GALNT2: variants seen among roughly 807,000 people sequenced by gnomAD.
GALNT2 encodes the protein polypeptide N-acetylgalactosaminyltransferase 2.
Under a neutral mutation model 81.4 loss-of-function variants are expected in GALNT2, and 31 were observed. That is an observed-to-expected ratio of 0.38 (90% CI 0.29 to 0.51). The LOEUF (loss-of-function observed/expected upper bound fraction) is 0.51. Ranked by LOEUF, GALNT2 falls within the 20% of genes least tolerant of loss-of-function variation. GALNT2 has a pLI of 0.87. For synonymous variants in GALNT2, 303 were observed against 287.4 expected (o/e 1.05, Z -0.55); for missense variants, 629 against 765.7 (o/e 0.82, Z 2.11).
chr1:230,165,591 C>G (rs1662577312), intron 1 of GALNT2, among the ~76,000 whole-genome samples: 1 of 152,218 alleles, frequency 6.6e-6, no homozygotes. Context: ...TACACTGTGT[C>G]CTTTTGCTTT....
At chr1:230,252,430 TC>T (rs1380307018) in intron 10 of GALNT2, among the ~76,000 whole-genome samples, 2 of 152,134 alleles carry the variant, frequency 1.3e-5, no homozygotes, top group African/African-American at 4.8e-5. Context: ...GGGGTAAGGC[TC>T]CTTGGGGGCA....
At chr1:230,188,855 A>G (rs2102694680) in intron 2 of GALNT2, among the ~76,000 whole-genome samples, 1 of 152,278 alleles carries the variant, frequency 6.6e-6, no homozygotes, top group East Asian at 1.9e-4. Context: ...TCTGATAGAG[A>G]AGAATGTCAT....
At chr1:230,254,810 G>A (rs759473476) in intron 10 of GALNT2, among the ~76,000 whole-genome samples, 9 of 152,204 alleles carry the variant, frequency 5.9e-5, no homozygotes, top group Non-Finnish European at 1.3e-4. Context: ...AAATGATCGT[G>A]AGCCAGCTAG....
intron 6 of GALNT2, among the ~76,000 whole-genome samples, chr1:230,237,944 T>G (rs1665083021): frequency 6.6e-6 from 1 of 152,216 alleles, no homozygotes; most frequent in South Asian, 2.1e-4. Context: ...GTCTTTAAAC[T>G]GCTTAGAAAT....
intron 1 of GALNT2, chr1:230,091,663 G>A (rs563736288): frequency 3.3e-5 from 5 of 152,346 alleles, no homozygotes; most frequent in Non-Finnish European, 5.9e-5. Flanking sequence ...AGTGGCTTCC[G>A]GGCCACCTCC....
chr1:230,252,197 GC>G (rs1485914127), intron 10 of GALNT2, among the ~76,000 whole-genome samples: 7 of 152,248 alleles, frequency 4.6e-5, no homozygotes, highest in African/African-American at 1.7e-4. Flanking sequence ...GCTTCTGGGG[GC>G]CGTGCACACT....
intron 1 of GALNT2, among the ~76,000 whole-genome samples, chr1:230,110,045 G>A (rs1042232134): frequency 5.9e-5 from 9 of 152,164 alleles, no homozygotes; most frequent in African/African-American, 1.7e-4. Flanking sequence ...GAGCCACGGC[G>A]TCCTGGCAGA....
Position 230,202,956 on chromosome 1 carries a change from C to T in GALNT2, c.221-181C>T, listed in dbSNP as rs114363380. On this transcript the variant is annotated intron_variant, in intron 2 of 15. Coordinates refer to ENST00000366672, the MANE Select transcript of GALNT2 (RefSeq NM_004481.5). ...AATGGCAAACCTGCAGTTTCCTATT[C>T]TCTGGGTTGTAGACAGGATGATGCT... Among the ~76,000 whole-genome samples, 593 of 152,320 alleles carry T rather than the reference C, an allele frequency of 3.9e-3. 2 individuals are homozygous for T. Among genetic ancestry groups the T allele is most frequent in the African/African-American group, 0.013 (524 of 41,570 alleles).
intron 1 of GALNT2, among the ~76,000 whole-genome samples, chr1:230,083,322 C>T (rs754297243): frequency 1.4e-5 from 2 of 139,686 alleles, no homozygotes; most frequent in Admixed American, 7.2e-5. Flanking sequence ...GAGTGGGGAG[C>T]GAGGATGATG....
rs1663959543 is a variant in GALNT2 at position 230,203,211 on chromosome 1, T to TA, written c.296dup (p.Tyr99Ter). The change falls in exon 3 of 16, where the codon TAC (tyrosine) becomes TAAC (stop). Residue 99 changes from tyrosine to a stop codon, truncating the protein, a stop_gained and frameshift_variant. Coordinates refer to ENST00000366672, the MANE Select transcript of GALNT2 (RefSeq NM_004481.5). LOFTEE classifies it high-confidence loss of function. ...GATGGTCCGCTCCGGGCAGGACCCT[T>TA]ACGCCCGCAACAAGTTCAACCAGGT... ...GTMVRSGQDP[Y>*]ARNKFNQVES... is the part of the protein sequence containing the mutation. The TA allele has an allele frequency of 6.2e-7, 1 of 1,614,186 alleles. No individual in the cohort carries two copies. Among genetic ancestry groups the TA allele is most frequent in the Non-Finnish European group, 8.5e-7 (1 of 1,180,010 alleles).
chr1:230,109,621 A>C (rs1660644608), intron 1 of GALNT2, among the ~76,000 whole-genome samples: 1 of 152,212 alleles, frequency 6.6e-6, no homozygotes, highest in Non-Finnish European at 1.5e-5. Flanking sequence ...TGAGGTCAGA[A>C]GTTCAAGAAC....
chr1:230,222,632 C>T (rs12030130), intron 3 of GALNT2, among the ~76,000 whole-genome samples: 11,357 of 151,664 alleles, frequency 0.075, 867 homozygotes, highest in African/African-American at 0.18. Context: ...ATTTTTTTCT[C>T]CTGACTTTAT....
chr1:230,065,425 A>G (rs889772719), upstream of GALNT2, among the ~76,000 whole-genome samples: 8 of 151,186 alleles, frequency 5.3e-5, no homozygotes, highest in African/African-American at 1.9e-4. Flanking sequence ...TATCCTAGAT[A>G]TGTGTGTGTG....
At position 230,190,453 on chromosome 1, in the gene GALNT2, C is replaced by T. The variant is rs143004427; in HGVS notation, c.220+12142C>T. ...CTGAAGCATCTGGCCTCTCTGACAA[C>T]AGGTCCTGAGTTTTATCCCACATTC... On this transcript the variant is annotated intron_variant, in intron 2 of 15. Coordinates refer to ENST00000366672, the MANE Select transcript of GALNT2 (RefSeq NM_004481.5). Among the ~76,000 whole-genome samples, 16 of 152,362 alleles carry T rather than the reference C, an allele frequency of 1.1e-4. No individual in the cohort carries two copies. In the East Asian group the frequency reaches 2.9e-3, roughly 28 times the overall value.
At chr1:230,120,091 C>G (rs1660967634) in intron 1 of GALNT2, among the ~76,000 whole-genome samples, 1 of 151,102 alleles carries the variant, frequency 6.6e-6, no homozygotes, top group Non-Finnish European at 1.5e-5. Context: ...GCCCTCGGCA[C>G]CTGGCCGGAG....
rs1292682267 is a variant in GALNT2, at chr1:230,265,329, G to A, written c.1402G>A (p.Val468Ile). 1 of 1,614,242 alleles carries A rather than the reference G, an allele frequency of 6.2e-7. No individual in the cohort carries two copies. The highest frequency in any genetic ancestry group is 1.1e-5 in the South Asian group (1 of 91,090). Residue 468 changes from valine (V) to isoleucine (I), a missense_variant, in exon 14 of 16, where the codon GTT (valine) becomes ATT (isoleucine). Physicochemically the swap from Val to Ile is conservative, Grantham distance 29. This residue lies in a region of GALNT2 where 207 missense variants were observed against 225.5 expected (regional missense o/e 0.92). Coordinates refer to ENST00000366672, the MANE Select transcript of GALNT2 (RefSeq NM_004481.5). ...DTLGHFADGVVGVYECHNAGG... is the reference protein window; with the variant it reads ...DTLGHFADGVIGVYECHNAGG... ...TTTGGGACACTTTGCTGATGGTGTG[G>A]TTGGAGTTTATGAATGTCACAATGC...
At chr1:230,094,480 A>G (rs1660186341) in intron 1 of GALNT2, among the ~76,000 whole-genome samples, 2 of 152,128 alleles carry the variant, frequency 1.3e-5, no homozygotes, top group Admixed American at 1.3e-4. Flanking sequence ...TACTAAAAAT[A>G]CAAAAAAATT....
chr1:230,069,556 C>G (rs1659311582), intron 1 of GALNT2, among the ~76,000 whole-genome samples: 1 of 152,102 alleles, frequency 6.6e-6, no homozygotes, highest in Non-Finnish European at 1.5e-5. Context: ...AAAGAGAAGC[C>G]TTAAGATGGT....
intron 14 of GALNT2, among the ~76,000 whole-genome samples, chr1:230,273,207 A>C (rs538400144): frequency 8.5e-5 from 13 of 152,338 alleles, no homozygotes; most frequent in African/African-American, 3.1e-4. Context: ...CAAGAAAAAA[A>C]CAGTGTCTTC....
Sources: allele counts gnomAD v4.1 joint callset (sites outside exome capture counted in the v4.1 genomes callset), GRCh38; gene constraint gnomAD v4.1.1; regional missense constraint gnomAD v4.1.1; transcripts MANE v1.5; gene names NCBI Gene and HGNC (gene_info 2026-07-23, HGNC 2026-07-21).